Variants in ITPRID1 observed in about 807,000 individuals in gnomAD.
ITPRID1 encodes protein ITPRID1.
A neutral mutation model predicts 95.4 loss-of-function variants in ITPRID1; 96 were observed. That is an observed-to-expected ratio of 1.01 (90% CI 0.85 to 1.19). The LOEUF is 1.19. ITPRID1 is among the 50% of genes most tolerant of loss of function. The probability of loss-of-function intolerance (pLI) is 0.00; values close to 1 mark genes in which losing one functional copy is unlikely to be tolerated. For missense variants in ITPRID1, 1,339 were observed against 1,252.9 expected, an observed-to-expected ratio of 1.07 and a Z score of -1.04; for synonymous variants, 510 against 453.6, an observed-to-expected ratio of 1.12 and a Z score of -1.58.
chr7:31,526,709 G>A lies in ITPRID1; in HGVS notation c.-98+12589G>A, dbSNP rs932420252. On this transcript the variant is annotated intron_variant, in intron 1 of 14. Coordinates refer to ENST00000615280, the MANE Select transcript of ITPRID1 (RefSeq NM_001257967.3). ...ATCAATTTTGACCATTGCGTCCCCC[G>A]ACAGCAATCAGTCCGTAAGACCTGC... 2.0e-5 allele frequency among the ~76,000 whole-genome samples: 3 copies of A among 151,920 alleles called. 1 individual carries two copies. Among genetic ancestry groups the A allele is most frequent in the South Asian group, 4.2e-4 (2 of 4,810 alleles).
chr7:31,630,604 A>G (rs925762806), intron 10 of ITPRID1, among the ~76,000 whole-genome samples: 4 of 152,204 alleles, frequency 2.6e-5, no homozygotes, highest in Non-Finnish European at 4.4e-5. Context: ...AACAGGGAAG[A>G]TCTGCATCGA....
At position 31,643,202 on chromosome 7, in the gene ITPRID1, A is replaced by G. The variant is rs550312569; in HGVS notation, c.1832A>G (p.His611Arg). ...GATCATACTCAAGACAAGTTCCTTC[A>G]TGTTGACTCTGAGGCCCCACGAGAA... ...GNDHTQDKFL[H>R]VDSEAPREEE... Residue 611 changes from histidine to arginine, a missense_variant, in exon 12 of 15, where the codon CAT (histidine) becomes CGT (arginine). Physicochemically the swap from His to Arg is conservative, Grantham distance 29 (BLOSUM62 0). Coordinates refer to ENST00000615280, the MANE Select transcript of ITPRID1 (RefSeq NM_001257967.3). 5.2e-5 allele frequency: 84 copies of G among 1,613,872 alleles called. No homozygotes were observed. The highest frequency in any genetic ancestry group is 1.0e-4 in the Admixed American group (6 of 60,004).
chr7:31,639,379 A>C (rs1291139768), intron 10 of ITPRID1, among the ~76,000 whole-genome samples: 2 of 140,506 alleles, frequency 1.4e-5, no homozygotes, highest in South Asian at 4.8e-4. Flanking sequence ...TCTGCTATAT[A>C]TATCCAGTAT....
intron 7 of ITPRID1, among the ~76,000 whole-genome samples, chr7:31,574,089 T>C (rs141174042): frequency 1.4e-4 from 22 of 152,258 alleles, no homozygotes; most frequent in Non-Finnish European, 2.8e-4. Flanking sequence ...CCTGGACAGA[T>C]CTGTGTTGCT....
chr7:31,587,230 C>G (rs1225134750), intron 10 of ITPRID1, among the ~76,000 whole-genome samples: 3 of 152,082 alleles, frequency 2.0e-5, no homozygotes, highest in South Asian at 2.1e-4. Flanking sequence ...GATTGTATAT[C>G]TAGAAAACCC....
chr7:31,601,294 G>A (rs1040199723), intron 10 of ITPRID1, among the ~76,000 whole-genome samples: 2 of 152,126 alleles, frequency 1.3e-5, no homozygotes, highest in African/African-American at 4.8e-5. Flanking sequence ...ACTTACTGAG[G>A]CTTCAGTCAC....
At chr7:31,556,731 C>G (rs1245580158) in intron 5 of ITPRID1, among the ~76,000 whole-genome samples, 1 of 152,100 alleles carries the variant, frequency 6.6e-6, no homozygotes, top group Non-Finnish European at 1.5e-5. Context: ...GAGGGAAAAT[C>G]CTGTCAAAAC....
chr7:31,658,150 A>G, downstream of ITPRID1: 1 of 757,760 alleles, frequency 1.3e-6, no homozygotes, highest in Non-Finnish European at 1.9e-6. Context: ...GCTCTGAACC[A>G]CAGTGTATGC....
chr7:31,549,323 G>C lies in ITPRID1; in HGVS notation c.-97-103G>C, dbSNP rs995385886. On this transcript the variant is annotated intron_variant, in intron 1 of 14. Coordinates refer to ENST00000615280, the MANE Select transcript of ITPRID1 (RefSeq NM_001257967.3). The stretch of plus-strand genomic sequence containing the variant: ...TCTACTTCTCAATCATCCAAACTAA[G>C]TAATTTCAAGACAACACAGGCTACC... The C allele has an allele frequency of 7.0e-6, 5 of 712,708 alleles. No homozygotes were observed. The African/African-American group carries it at 7.4e-5, about 10-fold the overall frequency. The allele number at this position is 712,708 out of a possible 1,614,324, so 44.1% of individuals were successfully genotyped here.
intron 10 of ITPRID1, among the ~76,000 whole-genome samples, chr7:31,623,589 T>C (rs988271852): frequency 1.3e-5 from 2 of 150,442 alleles, no homozygotes; most frequent in Non-Finnish European, 1.5e-5. Context: ...AAATTAGGTA[T>C]TGATGGGACG....
chr7:31,642,191 G>A lies in ITPRID1; in HGVS notation c.1244G>A (p.Arg415Lys). 6.4e-7 allele frequency: 1 copy of A among 1,561,024 alleles called. No homozygotes were observed. Among genetic ancestry groups the A allele is most frequent in the South Asian group, 1.2e-5 (1 of 84,478 alleles). Residue 415 changes from arginine to lysine, a missense_variant, in exon 11 of 15, where the codon AGA becomes AAA. Physicochemically the swap from Arg to Lys is conservative, Grantham distance 26. Coordinates refer to ENST00000615280, the MANE Select transcript of ITPRID1 (RefSeq NM_001257967.3). ...TSGTVGARVD[R>K]ANSCQSDSSG... Reference sequence around the variant, plus strand: ...CATTCTGCAGGTGCCAGGGTGGACAGAGCAAATAGCTGCCAGTCTGACAGC... The same window carrying A: ...CATTCTGCAGGTGCCAGGGTGGACAAAGCAAATAGCTGCCAGTCTGACAGC...
In ITPRID1 at chr7:31,578,029, A is replaced by ACT. The variant is rs1318670843; in HGVS notation, c.768_769dup (p.Leu257SerfsTer2). ...AAGAGCATCGAAGAAGAATGGGTAA[A>ACT]CTCTTAAGGAGAGCTTCCAAACAGA... On this transcript the variant is annotated frameshift_variant, in exon 9 of 15. Transcript: ENST00000615280. LOFTEE classifies it high-confidence loss of function. The ACT allele has an allele frequency of 1.9e-6, 3 of 1,613,682 alleles. No individual in the cohort carries two copies. Among genetic ancestry groups the ACT allele is most frequent in the Non-Finnish European group, 2.5e-6 (3 of 1,179,856 alleles).
chr7:31,572,192 T>G lies in ITPRID1; in HGVS notation c.395+4T>G. On this transcript the variant is annotated splice_donor_region_variant and intron_variant, in intron 7 of 14. Transcript: ENST00000615280. ...CTACTGCAAGTGTACCACAAAGGTA[T>G]GTAATTTCCAGGTGCTTTTCATCCT... is the stretch of plus-strand genomic sequence containing the variant. The G allele has an allele frequency of 6.3e-7, 1 of 1,588,232 alleles. No homozygotes were observed. Among genetic ancestry groups the G allele is most frequent in the Non-Finnish European group, 8.6e-7 (1 of 1,158,734 alleles).
intron 10 of ITPRID1, among the ~76,000 whole-genome samples, chr7:31,602,658 A>G (rs1990378): frequency 1 from 152,042 of 152,238 alleles, 75,924 homozygotes; most frequent in Non-Finnish European, 1. Flanking sequence ...GGTAGTCGCC[A>G]TCGGGGTGAG....
At chr7:31,651,010 T>A (rs983850151) in intron 12 of ITPRID1, 132 bp from the exon 13 acceptor site, 14 of 921,874 alleles carry the variant, frequency 1.5e-5, no homozygotes, top group African/African-American at 3.4e-5. Flanking sequence ...TCCTATTCCC[T>A]CCCCCTTATA....
chr7:31,529,479 C>T (rs1178155069), intron 1 of ITPRID1: 4 of 401,124 alleles, frequency 1.0e-5, no homozygotes. Flanking sequence ...ACACACTCTT[C>T]CTTTCAATCC....
intron 1 of ITPRID1, among the ~76,000 whole-genome samples, chr7:31,540,094 C>T (rs779425940): frequency 2.0e-5 from 3 of 152,084 alleles, no homozygotes; most frequent in Non-Finnish European, 2.9e-5. Context: ...ATAAAAAGGA[C>T]GAGCAGTGGT....
chr7:31,582,553 G>C (rs1402503702), intron 9 of ITPRID1, among the ~76,000 whole-genome samples: 1 of 151,846 alleles, frequency 6.6e-6, no homozygotes, highest in African/African-American at 2.4e-5. Flanking sequence ...GCCCAACCCT[G>C]TTTTTTTACC....
chr7:31,616,366 T>C (rs770602654), intron 10 of ITPRID1, among the ~76,000 whole-genome samples: 4 of 152,144 alleles, frequency 2.6e-5, no homozygotes, highest in Non-Finnish European at 5.9e-5. Context: ...TAATCAGATT[T>C]TTAAATGTGC....
Sources: gnomAD v4.1 joint callset for allele counts (sites outside exome capture counted in the v4.1 genomes callset) on GRCh38, gnomAD v4.1.1 for gene constraint, MANE v1.5 for transcripts, NCBI Gene and HGNC (gene_info 2026-07-23, HGNC 2026-07-21) for gene names.